The following SHROOM3 variants were observed in gnomAD, a reference collection of about 807,000 sequenced individuals.
The protein encoded by SHROOM3 is protein Shroom3.
SHROOM3 carries 47 observed loss-of-function variants against 138.6 expected under a neutral mutation model. The ratio of observed to expected loss-of-function variants is 0.34; its 90% CI spans 0.27 to 0.43. The LOEUF is 0.43. SHROOM3 is among the 20% of genes least tolerant of loss of function. The pLI, the probability that SHROOM3 is intolerant of heterozygous loss-of-function variation, is 1.00. For missense variants in SHROOM3, 2,491 were observed against 2,596.5 expected (o/e 0.96, Z 0.88); for synonymous variants, 1,062 against 1,063.3 (o/e 1.00, Z 0.02).
intron 1 of SHROOM3, among the ~76,000 whole-genome samples, chr4:76,444,557 G>A (rs371355154): frequency 1.6e-4 from 20 of 127,908 alleles, no homozygotes; most frequent in East Asian, 1.5e-3. Flanking sequence ...GCAGTGACAC[G>A]ATGATCTTGG....
chr4:76,530,425 C>A (rs1311840654), intron 1 of SHROOM3, among the ~76,000 whole-genome samples: 1 of 152,166 alleles, frequency 6.6e-6, no homozygotes, highest in African/African-American at 2.4e-5. Context: ...GGCCATGTCA[C>A]AGCCACAGCT....
At chr4:76,520,495 C>T (rs1732541047) in intron 1 of SHROOM3, among the ~76,000 whole-genome samples, 1 of 152,070 alleles carries the variant, frequency 6.6e-6, no homozygotes, top group South Asian at 2.1e-4. Flanking sequence ...GATAAGGAAA[C>T]TGAGGCCCAG....
At chr4:76,577,457 C>A (rs960423346) in intron 2 of SHROOM3, among the ~76,000 whole-genome samples, 5 of 152,132 alleles carry the variant, frequency 3.3e-5, no homozygotes, top group African/African-American at 9.7e-5. Flanking sequence ...GTTCCAGCCT[C>A]CCTAGAGGCA....
chr4:76,751,810 A>G (rs1455699409), intron 6 of SHROOM3, among the ~76,000 whole-genome samples: 1 of 152,198 alleles, frequency 6.6e-6, no homozygotes, highest in Non-Finnish European at 1.5e-5. Flanking sequence ...ACGAAAAACA[A>G]CCAGTGTTGG....
At chr4:76,719,531 T>C (rs1720473500) in intron 3 of SHROOM3, among the ~76,000 whole-genome samples, 1 of 152,240 alleles carries the variant, frequency 6.6e-6, no homozygotes, top group Non-Finnish European at 1.5e-5. Context: ...ATCATAGATA[T>C]TACAATGTTT....
chr4:76,610,902 G>A (rs1169177294), intron 2 of SHROOM3, among the ~76,000 whole-genome samples: 1 of 152,112 alleles, frequency 6.6e-6, no homozygotes, highest in African/African-American at 2.4e-5. Context: ...AATTGGTGAC[G>A]AGAGGGGCTG....
chr4:76,722,070 G>T (rs1720569833), intron 3 of SHROOM3, among the ~76,000 whole-genome samples: 1 of 152,098 alleles, frequency 6.6e-6, no homozygotes, highest in Admixed American at 6.5e-5. Context: ...GGAGTTCAAG[G>T]CTGCAGTACG....
intron 3 of SHROOM3, among the ~76,000 whole-genome samples, chr4:76,718,477 G>A (rs1410298168): frequency 6.6e-6 from 1 of 152,140 alleles, no homozygotes; most frequent in African/African-American, 2.4e-5. Flanking sequence ...TTATTTTAAT[G>A]AAGTTTCTTT....
At chr4:76,721,070 G>A (rs1289809729) in intron 3 of SHROOM3, among the ~76,000 whole-genome samples, 2 of 152,036 alleles carry the variant, frequency 1.3e-5, no homozygotes, top group East Asian at 3.9e-4. Flanking sequence ...CCAGCACTTT[G>A]GGAGGCCGAG....
chr4:76,689,678 G>T, intron 2 of SHROOM3: 1 of 985,430 alleles, frequency 1.0e-6, no homozygotes, highest in South Asian at 4.7e-5. Context: ...GCCCGGGGGC[G>T]GCGGCCGCGA....
chr4:76,569,245 GT>G (rs1733787911), intron 2 of SHROOM3, among the ~76,000 whole-genome samples: 1 of 147,000 alleles, frequency 6.8e-6, no homozygotes, highest in African/African-American at 2.5e-5. Context: ...AATCCAATTT[GT>G]CAGGGGGGGA....
At chr4:76,530,756 A>T (rs1332587779) in intron 1 of SHROOM3, among the ~76,000 whole-genome samples, 2 of 152,212 alleles carry the variant, frequency 1.3e-5, no homozygotes, top group Non-Finnish European at 2.9e-5. Flanking sequence ...TAAATGGAAC[A>T]TGTAGCAGAG....
At chr4:76,700,344 G>A (rs1391279830) in intron 2 of SHROOM3, among the ~76,000 whole-genome samples, 1 of 152,210 alleles carries the variant, frequency 6.6e-6, no homozygotes, top group African/African-American at 2.4e-5. Context: ...TGCAGAAACA[G>A]TTTGGCCCCC....
At chr4:76,557,214 T>C (rs1234786426) in intron 2 of SHROOM3, among the ~76,000 whole-genome samples, 1 of 127,648 alleles carries the variant, frequency 7.8e-6, no homozygotes, top group Non-Finnish European at 1.6e-5. Context: ...TATATATGTA[T>C]ATGTTTATGT....
chr4:76,480,628 G>A (rs1731588608), intron 1 of SHROOM3, among the ~76,000 whole-genome samples: 1 of 152,170 alleles, frequency 6.6e-6, no homozygotes, highest in African/African-American at 2.4e-5. Context: ...TCTGGAGCAA[G>A]CTGACCTAAT....
chr4:76,694,951 A>G (rs1365448140), intron 2 of SHROOM3, among the ~76,000 whole-genome samples: 1 of 152,232 alleles, frequency 6.6e-6, no homozygotes, highest in Non-Finnish European at 1.5e-5. Flanking sequence ...TGCCAGGGTT[A>G]GTACCCAATA....
intron 2 of SHROOM3, among the ~76,000 whole-genome samples, chr4:76,675,663 G>T (rs1719008959): frequency 6.6e-6 from 1 of 152,194 alleles, no homozygotes; most frequent in Non-Finnish European, 1.5e-5. Flanking sequence ...TTCAAGACCA[G>T]CCTAGGCAAC....
intron 1 of SHROOM3, among the ~76,000 whole-genome samples, chr4:76,479,487 A>G (rs1731560377): frequency 6.6e-6 from 1 of 152,172 alleles, no homozygotes; most frequent in South Asian, 2.1e-4. Context: ...CTATGTGGAA[A>G]GACCAAACCT....
chr4:76,689,794 C>G (rs2110107277), intron 2 of SHROOM3: 1 of 969,390 alleles, frequency 1.0e-6, no homozygotes, highest in Non-Finnish European at 1.2e-6. Context: ...TGCGGCGACT[C>G]TGGAAAGCCC....
Sources: allele counts gnomAD v4.1 joint callset (sites outside exome capture counted in the v4.1 genomes callset), GRCh38; gene constraint gnomAD v4.1.1; transcripts MANE v1.5; gene names NCBI Gene and HGNC (gene_info 2026-07-23, HGNC 2026-07-21).